HERC3: variants seen among roughly 807,000 people sequenced by gnomAD.
HERC3 encodes the protein HECT and RLD domain containing E3 ubiquitin protein ligase 3, also known as probable E3 ubiquitin-protein ligase HERC3.
HERC3 carries 58 observed loss-of-function variants against 129.9 expected under a neutral mutation model. The observed-to-expected ratio is 0.45, with a 90% CI of 0.36 to 0.56. HERC3 has a LOEUF of 0.56. Ranked by LOEUF, HERC3 falls within the 20% of genes least tolerant of loss-of-function variation. HERC3 has a pLI of 0.00. For missense variants in HERC3, 835 were observed against 1,244.2 expected (o/e 0.67, Z 4.95); for synonymous variants, 430 against 451.0 (o/e 0.95, Z 0.59).
At chr4:88,553,365 G>A in the HERC3 span, among the ~76,000 whole-genome samples, 2 of 152,138 alleles carry the variant, frequency 1.3e-5, no homozygotes, top group African/African-American at 4.8e-5. Context: ...ATCCACATGA[G>A]CTAACTTGAA....
the HERC3 span, chr4:88,527,315 C>G: frequency 6.6e-6 from 1 of 151,434 alleles, no homozygotes; most frequent in Admixed American, 6.6e-5. Flanking sequence ...GCAGTGGCTC[C>G]ATCATAGCTG....
At chr4:88,682,565 A>C (rs1732916680) in intron 21 of HERC3, among the ~76,000 whole-genome samples, 1 of 147,498 alleles carries the variant, frequency 6.8e-6, no homozygotes, top group Non-Finnish European at 1.5e-5. Flanking sequence ...GAGTGAGAAC[A>C]TGCAGTGTTT....
At chr4:88,565,300 T>C in the HERC3 span, among the ~76,000 whole-genome samples, 1 of 152,134 alleles carries the variant, frequency 6.6e-6, no homozygotes, top group African/African-American at 2.4e-5. Flanking sequence ...TGATTTTCTG[T>C]CTGGATGATC....
chr4:88,690,826 T>C (rs568982159), intron 23 of HERC3, among the ~76,000 whole-genome samples: 2 of 152,348 alleles, frequency 1.3e-5, no homozygotes, highest in South Asian at 2.1e-4. Context: ...TTTCTCCTTA[T>C]TCAACAGACA....
chr4:88,596,876 T>C (rs1457231841), intron 2 of HERC3, among the ~76,000 whole-genome samples: 2 of 152,228 alleles, frequency 1.3e-5, no homozygotes, highest in African/African-American at 2.4e-5. Flanking sequence ...CCACTGATGA[T>C]TCTTAATCTC....
chr4:88,567,839 T>A, the HERC3 span, among the ~76,000 whole-genome samples: 8 of 152,218 alleles, frequency 5.3e-5, no homozygotes, highest in Non-Finnish European at 1.2e-4. Flanking sequence ...TCCTGGATGG[T>A]CTTGATACTT....
intron 23 of HERC3, among the ~76,000 whole-genome samples, chr4:88,702,467 A>G (rs1478386972): frequency 6.6e-6 from 1 of 152,238 alleles, no homozygotes; most frequent in Non-Finnish European, 1.5e-5. Context: ...ACTTACATAA[A>G]TGCCATCATA....
At chr4:88,643,502 G>A (rs1285846022) in intron 3 of HERC3, among the ~76,000 whole-genome samples, 1 of 152,210 alleles carries the variant, frequency 6.6e-6, no homozygotes, top group Admixed American at 6.5e-5. Flanking sequence ...TAGAGGTATA[G>A]TAATCCAGGG....
At chr4:88,654,174 G>A in intron 7 of HERC3, 41 bp downstream of exon 7, 1 of 1,334,200 alleles carries the variant, frequency 7.5e-7, no homozygotes, top group Non-Finnish European at 1.1e-6. Context: ...CTGGGGATAT[G>A]ATGGGTGATT....
At chr4:88,680,331 A>G (rs1168635871) in intron 20 of HERC3, 95 bp downstream of exon 20, 1 of 847,678 alleles carries the variant, frequency 1.2e-6, no homozygotes, top group Non-Finnish European at 1.8e-6. Context: ...TGCAAAGGGG[A>G]ACATAACAAG....
intron 23 of HERC3, chr4:88,690,745 TTC>T (rs1733990107): frequency 5.3e-6 from 2 of 379,788 alleles, no homozygotes; most frequent in Non-Finnish European, 3.6e-6. Flanking sequence ...GTCTTTTTTG[TTC>T]TCTTTCTGAG....
At chr4:88,557,757 T>TA in the HERC3 span, among the ~76,000 whole-genome samples, 2 of 152,124 alleles carry the variant, frequency 1.3e-5, no homozygotes, top group African/African-American at 4.8e-5. Flanking sequence ...GGAGATTTCT[T>TA]AAAGAACTAA....
chr4:88,523,864 C>G, the HERC3 span: 2 of 623,358 alleles, frequency 3.2e-6, no homozygotes, highest in Non-Finnish European at 5.2e-6. Flanking sequence ...GAGGGTGCTT[C>G]TGCTCCGACT....
intron 1 of HERC3, chr4:88,593,630 C>T (rs1332048681): frequency 6.6e-6 from 1 of 152,210 alleles, no homozygotes; most frequent in Non-Finnish European, 1.5e-5. Flanking sequence ...TTGCATTCAT[C>T]ACGCATAGAA....
chr4:88,676,103 C>G (rs1302434447), intron 16 of HERC3, 115 bp from the exon 17 acceptor site: 10 of 736,154 alleles, frequency 1.4e-5, no homozygotes, highest in African/African-American at 3.6e-5. Context: ...GGTGTTAGTT[C>G]TATGGCCAGT....
chr4:88,599,556 C>T (rs1345789034), intron 2 of HERC3, among the ~76,000 whole-genome samples: 2 of 151,974 alleles, frequency 1.3e-5, no homozygotes, highest in Non-Finnish European at 2.9e-5. Flanking sequence ...TGTGCTTGGC[C>T]AAAGCACCCA....
chr4:88,593,821 C>A (rs1722026775), intron 1 of HERC3, among the ~76,000 whole-genome samples: 1 of 152,166 alleles, frequency 6.6e-6, no homozygotes, highest in African/African-American at 2.4e-5. Flanking sequence ...ATGCGGTGAT[C>A]GGGTATCATG....
intron 23 of HERC3, among the ~76,000 whole-genome samples, chr4:88,698,083 C>G (rs376240502): frequency 3.3e-4 from 51 of 152,254 alleles, no homozygotes; most frequent in African/African-American, 1.1e-3. Flanking sequence ...TCAGTAGCTG[C>G]CCGAGGTGCT....
chr4:88,554,196 A>G, the HERC3 span, among the ~76,000 whole-genome samples: 1 of 152,074 alleles, frequency 6.6e-6, no homozygotes, highest in Non-Finnish European at 1.5e-5. Context: ...AAATACAAAA[A>G]TTAGCTGGGT....
Sources: gnomAD v4.1 joint callset for allele counts (sites outside exome capture counted in the v4.1 genomes callset) on GRCh38, gnomAD v4.1.1 for gene constraint, MANE v1.5 for transcripts, NCBI Gene and HGNC (gene_info 2026-07-23, HGNC 2026-07-21) for gene names.